Variants in FERMT2 observed in about 807,000 individuals in gnomAD.
FERMT2 encodes the protein FERM domain containing kindlin 2.
FERMT2 carries 15 observed loss-of-function variants against 82.7 expected under a neutral mutation model. The ratio of observed to expected loss-of-function variants is 0.18; its 90% CI spans 0.12 to 0.28. The LOEUF is 0.28. Among genes scored for constraint, FERMT2 ranks in the 10% least tolerant of loss-of-function variants. The pLI is 1.00. For synonymous variants in FERMT2, 274 were observed against 271.5 expected (o/e 1.01, Z -0.09); for missense variants, 645 against 809.4 (o/e 0.80, Z 2.46).
chr14:52,919,889 A>G (rs578225403), intron 2 of FERMT2, among the ~76,000 whole-genome samples: 6 of 152,362 alleles, frequency 3.9e-5, no homozygotes, highest in South Asian at 4.1e-4. Context: ...GAGAAACACT[A>G]TAACTTAAGA....
chr14:52,914,299 G>A (rs1888494798), intron 3 of FERMT2, among the ~76,000 whole-genome samples: 1 of 152,026 alleles, frequency 6.6e-6, no homozygotes, highest in African/African-American at 2.4e-5. Flanking sequence ...GAGCCCAGGA[G>A]GTCAAGGATG....
At chr14:52,909,233 G>C (rs1351580246) in intron 3 of FERMT2, among the ~76,000 whole-genome samples, 1 of 152,102 alleles carries the variant, frequency 6.6e-6, no homozygotes, top group Non-Finnish European at 1.5e-5. Flanking sequence ...ATGTCACATT[G>C]GCAGTCAAAA....
At chr14:52,950,646 C>A in intron 1 of FERMT2, 69 bp from the exon 2 acceptor site, 1 of 1,514,794 alleles carries the variant, frequency 6.6e-7, no homozygotes, top group South Asian at 1.2e-5. Flanking sequence ...CCACCGAATT[C>A]GCAGCGCCGG....
chr14:52,872,508 T>C (rs1424067035), intron 10 of FERMT2, among the ~76,000 whole-genome samples: 4 of 152,112 alleles, frequency 2.6e-5, no homozygotes, highest in Non-Finnish European at 5.9e-5. Flanking sequence ...CACTCCAGCC[T>C]GGGTGACAGA....
intron 3 of FERMT2, among the ~76,000 whole-genome samples, chr14:52,897,175 T>C (rs1057235553): frequency 2.0e-5 from 3 of 152,188 alleles, no homozygotes; most frequent in Admixed American, 6.5e-5. Flanking sequence ...AGGTGAAACA[T>C]GACTAGCAAA....
chr14:52,895,889 ATGCGTCACTTAAGGATGGGGATGT>A, intron 3 of FERMT2, among the ~76,000 whole-genome samples: 1 of 152,340 alleles, frequency 6.6e-6, no homozygotes, highest in East Asian at 1.9e-4. Flanking sequence ...GTCTACAGTC[ATGCGTCACTTAAGGATGGGGATGT>A]GTTCTGAGAA....
Position 52,928,657 on chromosome 14 carries a change from C to G in FERMT2, c.158-9301G>C, listed in dbSNP as rs542937725. 5.3e-3 allele frequency among the ~76,000 whole-genome samples: 804 copies of G among 152,322 alleles called. 4 individuals carry two copies. The highest frequency in any genetic ancestry group is 8.3e-3 in the Non-Finnish European group (565 of 68,028). On this transcript the variant is annotated intron_variant, in intron 2 of 14. Transcript: ENST00000341590. ...CCCAAGACACCCTTGGGGAAACCTA[C>G]TATTTTTTTCTGTCTACCACGGTGT...
At chr14:52,880,867 C>T (rs1886252700) in intron 6 of FERMT2, among the ~76,000 whole-genome samples, 169 bp downstream of exon 6, 1 of 152,136 alleles carries the variant, frequency 6.6e-6, no homozygotes, top group Non-Finnish European at 1.5e-5. Flanking sequence ...CTAAAATAGA[C>T]TTATTTAAAA....
At chr14:52,902,213 T>C (rs1887694378) in intron 3 of FERMT2, among the ~76,000 whole-genome samples, 1 of 152,080 alleles carries the variant, frequency 6.6e-6, no homozygotes, top group East Asian at 1.9e-4. Context: ...GCCAACATGG[T>C]GAAACCCTGT....
intron 12 of FERMT2, chr14:52,860,854 A>G: frequency 3.0e-6 from 2 of 659,120 alleles, no homozygotes; most frequent in Non-Finnish European, 5.3e-6. Flanking sequence ...ACATGTTTCT[A>G]GCAGGAATAT....
intron 2 of FERMT2, among the ~76,000 whole-genome samples, chr14:52,925,089 A>G (rs1312232661): frequency 6.6e-6 from 1 of 152,206 alleles, no homozygotes; most frequent in Non-Finnish European, 1.5e-5. Context: ...CAGTATCTCC[A>G]TATCAAGTCA....
chr14:52,925,206 A>G (rs910864661), intron 2 of FERMT2, among the ~76,000 whole-genome samples: 2 of 152,210 alleles, frequency 1.3e-5, no homozygotes, highest in African/African-American at 2.4e-5. Flanking sequence ...ATGATGGTAC[A>G]CCAACTGAGA....
chr14:52,940,034 T>A (rs939793553), intron 2 of FERMT2, among the ~76,000 whole-genome samples: 2 of 152,230 alleles, frequency 1.3e-5, no homozygotes, highest in African/African-American at 2.4e-5. Flanking sequence ...ATTGATTTTT[T>A]AAATACCTAA....
In FERMT2 at chr14:52,919,200, T is replaced by A; in HGVS notation, c.314A>T (p.Asn105Ile). Residue 105 changes from asparagine to isoleucine, a missense_variant, in exon 3 of 15, where the codon AAC becomes ATC. Asn to Ile is a moderately radical substitution (Grantham distance 149, BLOSUM62 -3). Coordinates refer to ENST00000341590, the MANE Select transcript of FERMT2 (RefSeq NM_006832.3). ...QHKLLRLQLP[N>I]MKYVKVKVNF... is the part of the protein sequence containing the mutation. Reference sequence around the variant, plus strand: ...CACTTTCACCTTCACATACTTCATGTTGGGAAGCTGCAGGCGGAGCAGTTT... The same window carrying A: ...CACTTTCACCTTCACATACTTCATGATGGGAAGCTGCAGGCGGAGCAGTTT... The A allele has an allele frequency of 1.2e-6, 2 of 1,614,076 alleles. No homozygotes were observed. Among genetic ancestry groups the A allele is most frequent in the Non-Finnish European group, 1.7e-6 (2 of 1,179,962 alleles).
chr14:52,902,134 T>A (rs1887688915), intron 3 of FERMT2, among the ~76,000 whole-genome samples: 1 of 152,230 alleles, frequency 6.6e-6, no homozygotes, highest in Non-Finnish European at 1.5e-5. Context: ...GGCTTACGCC[T>A]GTAATCCCAG....
intron 2 of FERMT2, among the ~76,000 whole-genome samples, chr14:52,932,058 G>A (rs1466655238): frequency 6.6e-6 from 1 of 152,190 alleles, no homozygotes. Flanking sequence ...ATGTTAAAAG[G>A]TAAATACTAT....
intron 3 of FERMT2, among the ~76,000 whole-genome samples, chr14:52,917,739 C>G (rs985412697): frequency 6.6e-6 from 1 of 152,072 alleles, no homozygotes; most frequent in Non-Finnish European, 1.5e-5. Context: ...TTCTTGAAGA[C>G]AGAAAAAAGT....
chr14:52,860,585 G>A, intron 12 of FERMT2, 120 bp from the exon 13 acceptor site: 2 of 805,250 alleles, frequency 2.5e-6, no homozygotes, highest in East Asian at 2.7e-5. Context: ...TGTAAGAGTT[G>A]AAATCAAAAT....
chr14:52,873,373 G>A (rs1000795070), intron 9 of FERMT2, among the ~76,000 whole-genome samples: 19 of 152,174 alleles, frequency 1.2e-4, no homozygotes, highest in African/African-American at 4.1e-4. Flanking sequence ...AGTGGGGGAT[G>A]TGCTTCTTTC....
Sources: allele counts gnomAD v4.1 joint callset (sites outside exome capture counted in the v4.1 genomes callset), GRCh38; gene constraint gnomAD v4.1.1; transcripts MANE v1.5; gene names NCBI Gene and HGNC (gene_info 2026-07-23, HGNC 2026-07-21).